ZCCHC7: variants seen among roughly 807,000 people sequenced by gnomAD.
ZCCHC7 encodes the protein zinc finger CCHC domain-containing protein 7.
Under a neutral mutation model 52.0 loss-of-function variants are expected in ZCCHC7, and 35 were observed. That is an observed-to-expected ratio of 0.67 (90% CI 0.51 to 0.89). The LOEUF (loss-of-function observed/expected upper bound fraction) is 0.89, where lower values mean the gene tolerates loss of function less well. Among genes scored for constraint, ZCCHC7 ranks in the 40% least tolerant of loss-of-function variants. The pLI is 0.00. For synonymous variants in ZCCHC7, 217 were observed against 221.5 expected, an observed-to-expected ratio of 0.98 and a Z score of 0.18; for missense variants, 574 against 649.1, an observed-to-expected ratio of 0.88 and a Z score of 1.26.
At chr9:37,168,879 G>A (rs1436047972) in intron 2 of ZCCHC7, among the ~76,000 whole-genome samples, 2 of 152,130 alleles carry the variant, frequency 1.3e-5, no homozygotes, top group Admixed American at 6.5e-5. Flanking sequence ...ATTCTAGTAG[G>A]GGAGACAGAG....
rs1829794308 is a variant in ZCCHC7 at position 37,315,873 on chromosome 9, A to T, written c.951+10159A>T. ...GGAAAGGTAAAAGTTCTATATAAGC[A>T]TCCCTAAACCAGGGAAGGTAGTAGT... is the stretch of plus-strand genomic sequence containing the variant. On this transcript the variant is annotated intron_variant, in intron 5 of 8. Coordinates refer to ENST00000336755, the MANE Select transcript of ZCCHC7 (RefSeq NM_032226.3). Among the ~76,000 whole-genome samples, 3 of 145,878 alleles carry T rather than the reference A, an allele frequency of 2.1e-5. No homozygotes were observed. The South Asian group carries it at 6.9e-4, about 34-fold the overall frequency.
In ZCCHC7 at chr9:37,293,914, A is replaced by G. The variant is rs74928059; in HGVS notation, c.611-8274A>G. Among the ~76,000 whole-genome samples, 906 of 152,216 alleles carry G rather than the reference A, an allele frequency of 6.0e-3. 49 individuals carry two copies. The East Asian group carries it at 0.15, about 25-fold the overall frequency. ...TCTTTCTTCTTCCTCCTCTACCTCTAAAAAAAGAAATCCCCATTTCTTTTA... is the reference window on the plus strand; with the variant it reads ...TCTTTCTTCTTCCTCCTCTACCTCTGAAAAAAGAAATCCCCATTTCTTTTA... On this transcript the variant is annotated intron_variant, in intron 2 of 8. Transcript: ENST00000336755.
chr9:37,139,333 C>CAT (rs1843125132), intron 2 of ZCCHC7, among the ~76,000 whole-genome samples: 1 of 151,976 alleles, frequency 6.6e-6, no homozygotes, highest in Non-Finnish European at 1.5e-5. Flanking sequence ...GGGCATCCAC[C>CAT]ATGTATTATG....
intron 6 of ZCCHC7, among the ~76,000 whole-genome samples, chr9:37,330,280 T>G (rs573537217): frequency 3.4e-4 from 52 of 151,890 alleles, no homozygotes; most frequent in African/African-American, 1.3e-3. Flanking sequence ...AAGTGTTCAC[T>G]ATTTTCAACA....
intron 2 of ZCCHC7, among the ~76,000 whole-genome samples, chr9:37,194,657 G>T (rs1195400578): frequency 1.3e-5 from 2 of 152,134 alleles, no homozygotes; most frequent in East Asian, 1.9e-4. Context: ...TTTGGGTGTT[G>T]TCCTGGTTAA....
intron 6 of ZCCHC7, among the ~76,000 whole-genome samples, chr9:37,336,243 A>G (rs1256879787): frequency 6.6e-6 from 1 of 152,298 alleles, no homozygotes; most frequent in East Asian, 1.9e-4. Flanking sequence ...CTGTATTCTC[A>G]GATACGTCCA....
intron 2 of ZCCHC7, among the ~76,000 whole-genome samples, chr9:37,276,809 G>T: frequency 6.6e-6 from 1 of 152,240 alleles, no homozygotes; most frequent in East Asian, 1.9e-4. Context: ...TGGGATCCTT[G>T]TATAATAAAA....
intron 6 of ZCCHC7, among the ~76,000 whole-genome samples, chr9:37,331,274 C>A (rs999611482): frequency 6.6e-6 from 1 of 151,510 alleles, no homozygotes. Context: ...TCCTTTCTGG[C>A]CTAAGAAAGG....
At chr9:37,226,299 GGA>G (rs1247096128) in intron 2 of ZCCHC7, among the ~76,000 whole-genome samples, 2 of 152,178 alleles carry the variant, frequency 1.3e-5, no homozygotes, top group East Asian at 3.9e-4. Flanking sequence ...CTAAATAAAT[GGA>G]GAGTTATATC....
chr9:37,348,482 C>T (rs971582758), intron 6 of ZCCHC7, among the ~76,000 whole-genome samples: 12 of 151,982 alleles, frequency 7.9e-5, no homozygotes, highest in African/African-American at 2.7e-4. Context: ...CAGGTTCAAG[C>T]GATTCTCCTG....
At chr9:37,315,495 A>G (rs192628971) in intron 5 of ZCCHC7, among the ~76,000 whole-genome samples, 1 of 152,166 alleles carries the variant, frequency 6.6e-6, no homozygotes, top group African/African-American at 2.4e-5. Context: ...CAAATTATAT[A>G]ATAATAAATA....
At chr9:37,200,911 T>G (rs1823596648) in intron 2 of ZCCHC7, among the ~76,000 whole-genome samples, 1 of 152,266 alleles carries the variant, frequency 6.6e-6, no homozygotes, top group Non-Finnish European at 1.5e-5. Context: ...TCTGTAATGT[T>G]AAGTCTTCAT....
chr9:37,286,806 C>T (rs1369119209), intron 2 of ZCCHC7, among the ~76,000 whole-genome samples: 3 of 56,704 alleles, frequency 5.3e-5, no homozygotes, highest in Admixed American at 1.9e-4. Context: ...CTCCCTCCCC[C>T]CCGTTCCCGC....
At chr9:37,327,712 C>T in intron 5 of ZCCHC7, 87 bp from the exon 6 acceptor site, 1 of 1,418,164 alleles carries the variant, frequency 7.1e-7, no homozygotes. Flanking sequence ...GTGACCGACA[C>T]CGGTGGATGC....
intron 6 of ZCCHC7, among the ~76,000 whole-genome samples, chr9:37,334,210 C>T (rs1317725040): frequency 2.6e-5 from 4 of 151,768 alleles, no homozygotes; most frequent in Non-Finnish European, 5.9e-5. Context: ...AATTATATTC[C>T]GAGTGATCAA....
intron 2 of ZCCHC7, among the ~76,000 whole-genome samples, chr9:37,195,761 C>CT (rs1458839917): frequency 1.3e-5 from 2 of 152,070 alleles, no homozygotes; most frequent in African/African-American, 4.8e-5. Flanking sequence ...GAGACACTAC[C>CT]TACAAAGCTC....
At chr9:37,123,283 T>C (rs1303947347) in intron 1 of ZCCHC7, among the ~76,000 whole-genome samples, 1 of 151,974 alleles carries the variant, frequency 6.6e-6, no homozygotes, top group South Asian at 2.1e-4. Context: ...TTTAAAAGGG[T>C]AAATTAAATT....
intron 2 of ZCCHC7, among the ~76,000 whole-genome samples, chr9:37,130,144 CAGG>C (rs1842712130): frequency 6.7e-6 from 1 of 149,842 alleles, no homozygotes; most frequent in South Asian, 2.1e-4. Flanking sequence ...GAGGCTAAGG[CAGG>C]AGAATTGCTT....
chr9:37,330,102 T>TCC (rs1830397439), intron 6 of ZCCHC7, among the ~76,000 whole-genome samples: 2 of 151,778 alleles, frequency 1.3e-5, no homozygotes, highest in Admixed American at 1.3e-4. Flanking sequence ...TTAATGTTTA[T>TCC]CCAGGAGTCG....
Sources: allele counts gnomAD v4.1 joint callset (sites outside exome capture counted in the v4.1 genomes callset), GRCh38; gene constraint gnomAD v4.1.1; transcripts MANE v1.5; gene names NCBI Gene and HGNC (gene_info 2026-07-23, HGNC 2026-07-21).